UBE2O: variants seen among roughly 807,000 people sequenced by gnomAD.
UBE2O encodes the protein ubiquitin conjugating enzyme E2 O.
In UBE2O, 15 loss-of-function variants were observed where a neutral mutation model predicts 125.8. The ratio of observed to expected loss-of-function variants is 0.12; its 90% CI spans 0.08 to 0.18. The LOEUF is 0.18. Among genes scored for constraint, UBE2O ranks in the 10% least tolerant of loss-of-function variants. UBE2O has a pLI of 1.00. For missense variants in UBE2O, 1,280 were observed against 1,723.6 expected, an observed-to-expected ratio of 0.74 and a Z score of 4.56; for synonymous variants, 708 against 703.2, an observed-to-expected ratio of 1.01 and a Z score of -0.11.
intron 1 of UBE2O, among the ~76,000 whole-genome samples, chr17:76,433,358 T>G (rs1452180143): frequency 1.4e-5 from 2 of 147,196 alleles, no homozygotes; most frequent in Admixed American, 1.4e-4. Context: ...TCTAGTATGC[T>G]TCCATTTATA....
Position 76,395,036 on chromosome 17 carries a change from C to T in UBE2O, c.2946+689G>A, listed in dbSNP as rs951604785. 5.5e-5 allele frequency among the ~76,000 whole-genome samples: 6 copies of T among 109,720 alleles called. No individual in the cohort carries two copies. The highest frequency in any genetic ancestry group is 9.6e-5 in the African/African-American group (3 of 31,376). The allele number at this position is 109,720 out of a possible 152,430, so 72.0% of individuals were successfully genotyped here. On this transcript the variant is annotated intron_variant, in intron 15 of 17. Coordinates refer to ENST00000319380, the MANE Select transcript of UBE2O (RefSeq NM_022066.4). This position sits in a 1 kb window ranked among gnomAD's most constrained non-coding sequence, Gnocchi z 5.0. The stretch of plus-strand genomic sequence containing the variant: ...GATTACTGGCACCCGCCACCACATC[C>T]GGCTAATTTTTGTATTTTTAGTAGA...
intron 1 of UBE2O, among the ~76,000 whole-genome samples, chr17:76,443,992 G>A (rs1425062523): frequency 6.6e-6 from 1 of 152,182 alleles, no homozygotes. Flanking sequence ...AAGCTGAGGC[G>A]GATGGATCAC....
intron 1 of UBE2O, among the ~76,000 whole-genome samples, chr17:76,439,880 G>A (rs1001732046): frequency 6.6e-6 from 1 of 152,180 alleles, no homozygotes; most frequent in East Asian, 1.9e-4. Context: ...TGTCCTGCAG[G>A]TGGAACTAGG....
Position 76,402,544 on chromosome 17 carries a change from CCT to C in UBE2O, c.686+56_686+57del. The C allele has an allele frequency of 2.1e-6, 3 of 1,459,554 alleles. No homozygotes were observed. The highest frequency in any genetic ancestry group is 2.3e-5 in the South Asian group (2 of 87,850). 90.4% of individuals were successfully genotyped at this position (1,459,554 alleles called of 1,614,324 possible). On this transcript the variant is annotated intron_variant, in intron 4 of 17. Transcript: ENST00000319380. The surrounding 1 kb of genome is among the most constrained non-coding windows in gnomAD (Gnocchi z 5.4). ...CCAGGAGGAAACACCCTCCTCCTCC[CCT>C]CTTTCCAAGAGGCTATCCTTCCCAA...
chr17:76,399,357 G>A lies in UBE2O; in HGVS notation c.1628+92C>T, dbSNP rs1364560604. 7.9e-7 allele frequency: 1 copy of A among 1,265,262 alleles called. No individual in the cohort carries two copies. Among genetic ancestry groups the A allele is most frequent in the Non-Finnish European group, 1.1e-6 (1 of 889,876 alleles). 78.4% of individuals were successfully genotyped at this position (1,265,262 alleles called of 1,614,324 possible). A position where few individuals can be genotyped will look rare whatever the true frequency, so the allele number is the denominator to read the frequency against. ...GCCACTACAAGGCATGCAGAGGTGT[G>A]TGTGCGAGCGCAGGCACGCACACCG... On this transcript the variant is annotated intron_variant, in intron 9 of 17. Coordinates refer to ENST00000319380, the MANE Select transcript of UBE2O (RefSeq NM_022066.4). This position sits in a 1 kb window ranked among gnomAD's most constrained non-coding sequence, Gnocchi z 6.9.
At chr17:76,432,285 C>T (rs192143720) in intron 1 of UBE2O, among the ~76,000 whole-genome samples, 504 of 152,300 alleles carry the variant, frequency 3.3e-3, no homozygotes, top group Non-Finnish European at 5.7e-3. Context: ...AAAGTATGTT[C>T]CTGTCAATCC....
Position 76,399,102 on chromosome 17 carries a change from T to G in UBE2O, c.1629-111A>C. 7.2e-7 allele frequency: 1 copy of G among 1,386,382 alleles called. No homozygotes were observed. The highest frequency in any genetic ancestry group is 9.7e-7 in the Non-Finnish European group (1 of 1,034,184). The allele number at this position is 1,386,382 out of a possible 1,614,324, so 85.9% of individuals were successfully genotyped here. ...CTGTGGGCTTGGTAACCTGAAACTC[T>G]GAATCCCAGGTTGGCAGGATGAGTC... is the stretch of plus-strand genomic sequence containing the variant. On this transcript the variant is annotated intron_variant, in intron 9 of 17. Transcript: ENST00000319380. The surrounding 1 kb of genome is among the most constrained non-coding windows in gnomAD (Gnocchi z 6.9).
Position 76,399,540 on chromosome 17 carries a change from T to G in UBE2O, c.1537A>C (p.Lys513Gln). The change falls in exon 9 of 18, where the codon AAA becomes CAA. Residue 513 changes from lysine to glutamine, a missense_variant. Transcript: ENST00000319380. This position sits in a 1 kb window ranked among gnomAD's most constrained non-coding sequence, Gnocchi z 6.9. Reference protein sequence around the residue: ...SSQSGSGTSRKKSIPLSIKNL... With the variant: ...SSQSGSGTSRQKSIPLSIKNL... Reference sequence around the variant, plus strand: ...TTGATGGACAAGGGGATGCTCTTTTTGCGACTCGTGCCGCTGCCGCTCTGG... The same window carrying G: ...TTGATGGACAAGGGGATGCTCTTTTGGCGACTCGTGCCGCTGCCGCTCTGG... The G allele has an allele frequency of 6.2e-7, 1 of 1,614,220 alleles. No homozygotes were observed. The highest frequency in any genetic ancestry group is 8.5e-7 in the Non-Finnish European group (1 of 1,180,038).
At chr17:76,411,759 C>T (rs1185108619) in intron 1 of UBE2O, among the ~76,000 whole-genome samples, 1 of 152,206 alleles carries the variant, frequency 6.6e-6, no homozygotes, top group African/African-American at 2.4e-5. Flanking sequence ...AAGCAGGGTT[C>T]ACTGCAGCCT....
In UBE2O at chr17:76,402,299, A is replaced by C. The variant is rs1215977441; in HGVS notation, c.687-172T>G. Among the ~76,000 whole-genome samples the C allele has an allele frequency of 6.6e-6, 1 of 152,214 alleles. No homozygotes were observed. Among genetic ancestry groups the C allele is most frequent in the Non-Finnish European group, 1.5e-5 (1 of 68,034 alleles). On this transcript the variant is annotated intron_variant, in intron 4 of 17. Transcript: ENST00000319380. This position sits in a 1 kb window ranked among gnomAD's most constrained non-coding sequence, Gnocchi z 5.4. ...CTCTCCCACAACGAACAAGACCCCA[A>C]GTGCCACTGGAGTGCTTGCTCAGCA... is the stretch of plus-strand genomic sequence containing the variant.
At chr17:76,433,111 T>C (rs979653012) in intron 1 of UBE2O, among the ~76,000 whole-genome samples, 5 of 152,116 alleles carry the variant, frequency 3.3e-5, no homozygotes, top group African/African-American at 1.2e-4. Flanking sequence ...ATTGAAAATA[T>C]ACATTCACAC....
Position 76,391,237 on chromosome 17 carries a change from G to A in UBE2O, c.3585C>T (p.Ala1195=), listed in dbSNP as rs1171280702. The part of the protein sequence containing the change: ...PEDGGPAPGE[A]SQGSDSEGGA... Reference sequence around the variant, plus strand: ...CGCCCTCTGAGTCTGAGCCCTGGGAGGCCTCTCCTGGGGCTGGCCCTCCAT... The same window carrying A: ...CGCCCTCTGAGTCTGAGCCCTGGGAAGCCTCTCCTGGGGCTGGCCCTCCAT... Residue 1195 remains alanine, a synonymous_variant, in exon 18 of 18, where the codon GCC becomes GCT. Transcript: ENST00000319380. This position sits in a 1 kb window ranked among gnomAD's most constrained non-coding sequence, Gnocchi z 8.4. 6.2e-7 allele frequency: 1 copy of A among 1,613,366 alleles called. No individual in the cohort carries two copies. The highest frequency in any genetic ancestry group is 8.5e-7 in the Non-Finnish European group (1 of 1,179,736).
At position 76,396,357 on chromosome 17, in the gene UBE2O, T is replaced by C. The variant is rs2072209182; in HGVS notation, c.2580A>G (p.Leu860=). 3 of 1,614,196 alleles carry C rather than the reference T, an allele frequency of 1.9e-6. No homozygotes were observed. The highest frequency in any genetic ancestry group is 2.5e-6 in the Non-Finnish European group (3 of 1,180,036). Residue 860 remains leucine, a synonymous_variant, in exon 14 of 18, where the codon CTA becomes CTG. Coordinates refer to ENST00000319380, the MANE Select transcript of UBE2O (RefSeq NM_022066.4). This position sits in a 1 kb window ranked among gnomAD's most constrained non-coding sequence, Gnocchi z 6.7. ...EKKFLDDIKK[L]QENLKKTLDN... Reference sequence around the variant, plus strand: ...CCAGGGTCTTCTTGAGGTTTTCCTGTAGCTTCTTGATGTCATCCAGAAACT... The same window carrying C: ...CCAGGGTCTTCTTGAGGTTTTCCTGCAGCTTCTTGATGTCATCCAGAAACT...
At chr17:76,444,612 C>T (rs2073125658) in intron 1 of UBE2O, among the ~76,000 whole-genome samples, 1 of 152,166 alleles carries the variant, frequency 6.6e-6, no homozygotes, top group South Asian at 2.1e-4. Context: ...TTGTGACCTT[C>T]AGGGGAGCCG....
chr17:76,449,585 TCACA>T, intron 1 of UBE2O, among the ~76,000 whole-genome samples: 1 of 148,072 alleles, frequency 6.8e-6, no homozygotes, highest in African/African-American at 2.5e-5. Context: ...AAAAAGAAAC[TCACA>T]CACAAAAATT....
intron 1 of UBE2O, among the ~76,000 whole-genome samples, chr17:76,439,924 C>T (rs2073052585): frequency 6.6e-6 from 1 of 152,190 alleles, no homozygotes; most frequent in Non-Finnish European, 1.5e-5. Context: ...GTCATTCACC[C>T]ACTAATTCCA....
At chr17:76,392,475 G>T (rs997311923) in intron 15 of UBE2O, among the ~76,000 whole-genome samples, 1 of 152,074 alleles carries the variant, frequency 6.6e-6, no homozygotes, top group Non-Finnish European at 1.5e-5. Context: ...ATGTTGCCTA[G>T]GTTGGTCTCG....
At position 76,410,448 on chromosome 17, in the gene UBE2O, C is replaced by T. The variant is rs537546317; in HGVS notation, c.418-4876G>A. On this transcript the variant is annotated intron_variant, in intron 1 of 17. Transcript: ENST00000319380. This position sits in a 1 kb window ranked among gnomAD's most constrained non-coding sequence, Gnocchi z 4.0. ...TAACAACGCACAGGACATCCCTCAA[C>T]GAAGAATGGCGTGGCCAACGCACCC... Among the ~76,000 whole-genome samples the T allele has an allele frequency of 3.5e-4, 54 of 152,138 alleles. No individual in the cohort carries two copies. The highest frequency in any genetic ancestry group is 5.7e-4 in the Non-Finnish European group (39 of 68,000).
At chr17:76,415,170 C>T (rs1215823453) in intron 1 of UBE2O, among the ~76,000 whole-genome samples, 1 of 152,172 alleles carries the variant, frequency 6.6e-6, no homozygotes, top group East Asian at 1.9e-4. Context: ...AGAGCAAGTT[C>T]ACAGCCTCAA....
Sources: allele counts gnomAD v4.1 joint callset (sites outside exome capture counted in the v4.1 genomes callset), GRCh38; gene constraint gnomAD v4.1.1; non-coding constraint Gnocchi (gnomAD v3.1); transcripts MANE v1.5; gene names NCBI Gene and HGNC (gene_info 2026-07-23, HGNC 2026-07-21).